The following FAAH2 variants were observed in gnomAD, a reference collection of about 807,000 sequenced individuals.
FAAH2 encodes fatty-acid amide hydrolase 2.
Under a neutral mutation model 36.9 loss-of-function variants are expected in FAAH2, and 60 were observed. The observed-to-expected ratio is 1.63, with a 90% CI of 1.32 to 2.02. FAAH2 has a LOEUF of 2.02. FAAH2 is among the 30% of genes most tolerant of loss of function. The pLI is 0.00. For synonymous variants in FAAH2, 214 were observed against 143.8 expected, an observed-to-expected ratio of 1.49 and a Z score of -3.49; for missense variants, 689 against 397.5, an observed-to-expected ratio of 1.73 and a Z score of -6.23.
At chrX:57,391,755 T>C (rs986640748) in intron 7 of FAAH2, among the ~76,000 whole-genome samples, 33 of 111,219 alleles carry the variant, frequency 3.0e-4, no homozygotes, top group African/African-American at 1.0e-3. Flanking sequence ...AGTCAGATAA[T>C]GTGGGGCCTC....
At chrX:57,419,067 A>G (rs1288993190) in intron 7 of FAAH2, among the ~76,000 whole-genome samples, 6 of 106,679 alleles carry the variant, frequency 5.6e-5, no homozygotes, top group African/African-American at 2.1e-4. Context: ...TTATGGCTGC[A>G]TAGTATTCCA....
chrX:57,307,200 G>A (rs1406594097), intron 2 of FAAH2, among the ~76,000 whole-genome samples: 2 of 104,534 alleles, frequency 1.9e-5, no homozygotes, highest in Non-Finnish European at 3.9e-5. Context: ...CTCTGTTTGG[G>A]GTTCTTCTTC....
intron 7 of FAAH2, among the ~76,000 whole-genome samples, chrX:57,405,411 A>T (rs1387612664): frequency 1.8e-5 from 2 of 110,976 alleles, no homozygotes; most frequent in Non-Finnish European, 3.8e-5. Context: ...GTTCAGCTTG[A>T]TAAGGACGAA....
At chrX:57,328,209 C>A (rs1260461516) in intron 3 of FAAH2, among the ~76,000 whole-genome samples, 1 of 111,346 alleles carries the variant, frequency 9.0e-6, no homozygotes, top group Non-Finnish European at 1.9e-5. Context: ...AGTTTTGTCT[C>A]AGAGGAGTAC....
intron 7 of FAAH2, among the ~76,000 whole-genome samples, chrX:57,430,488 T>C (rs1314135018): frequency 2.7e-5 from 3 of 111,732 alleles, no homozygotes; most frequent in East Asian, 2.8e-4. Flanking sequence ...AGCCTGGGAA[T>C]TGATTGAAGG....
At position 57,344,658 on chromosome X, in the gene FAAH2, T is replaced by C. The variant is rs969588554; in HGVS notation, c.742+3268T>C. Among the ~76,000 whole-genome samples, 4 of 111,266 alleles carry C rather than the reference T, an allele frequency of 3.6e-5. No individual in the cohort carries two copies. The Admixed American group carries it at 3.8e-4, about 11-fold the overall frequency. On this transcript the variant is annotated intron_variant, in intron 5 of 10. Transcript: ENST00000374900. Reference sequence around the variant, plus strand: ...GTGGTGAGACTGGACACCTTTGTCTTACTGCAGGTCTCAAGGGGAATTATT... The same window carrying C: ...GTGGTGAGACTGGACACCTTTGTCTCACTGCAGGTCTCAAGGGGAATTATT...
intron 10 of FAAH2, among the ~76,000 whole-genome samples, chrX:57,453,649 G>A (rs990531357): frequency 1.8e-5 from 2 of 109,931 alleles, no homozygotes; most frequent in African/African-American, 3.3e-5. Flanking sequence ...CTCATAGCCA[G>A]GAAATCCATG....
At chrX:57,143,083 TA>T in the FAAH2 span, among the ~76,000 whole-genome samples, 3 of 111,576 alleles carry the variant, frequency 2.7e-5, no homozygotes, top group Non-Finnish European at 5.7e-5. Flanking sequence ...GTCTTTTGAT[TA>T]GATCATTTAT....
chrX:57,143,046 A>AT, the FAAH2 span, among the ~76,000 whole-genome samples: 1 of 111,190 alleles, frequency 9.0e-6, no homozygotes, highest in Non-Finnish European at 1.9e-5. Context: ...TTTGGGTCTT[A>AT]TTTTTTGATT....
intron 5 of FAAH2, among the ~76,000 whole-genome samples, chrX:57,341,781 A>C: frequency 9.0e-6 from 1 of 111,533 alleles, no homozygotes; most frequent in Non-Finnish European, 1.9e-5. Context: ...CACTGTACTA[A>C]AATGACTTAT....
chrX:57,477,419 A>C (rs1246025192), intron 10 of FAAH2, among the ~76,000 whole-genome samples: 2 of 110,835 alleles, frequency 1.8e-5, no homozygotes, highest in African/African-American at 6.5e-5. Context: ...CTATAAACTA[A>C]AACATTTACT....
the FAAH2 span, among the ~76,000 whole-genome samples, chrX:57,166,458 C>A: frequency 1.8e-5 from 2 of 111,959 alleles, no homozygotes; most frequent in African/African-American, 6.5e-5. Flanking sequence ...CCATGACCTG[C>A]CCATAGGCAT....
rs965591228 is a variant in FAAH2, at chrX:57,447,048, A to G, written c.1228+9A>G. 1.9e-5 allele frequency: 21 copies of G among 1,132,737 alleles called. No homozygotes were observed. The highest frequency in any genetic ancestry group is 2.5e-5 in the Non-Finnish European group (21 of 833,474). The allele number at this position is 1,132,737 out of a possible 1,213,427, so 93.4% of individuals were successfully genotyped here. A position where few individuals can be genotyped will look rare whatever the true frequency, so the allele number is the denominator to read the frequency against. On this transcript the variant is annotated intron_variant, in intron 9 of 10. Transcript: ENST00000374900. ...CACCATCCCTTCCATTGGTATGTAA[A>G]TCATATTCTACCTAGACCAGTTTGA...
the FAAH2 span, among the ~76,000 whole-genome samples, chrX:57,139,297 A>G: frequency 1.8e-5 from 2 of 112,282 alleles, no homozygotes; most frequent in South Asian, 7.3e-4. Flanking sequence ...TCCCAACAAC[A>G]TTTATTACAG....
chrX:57,349,103 A>AAT lies in FAAH2; in HGVS notation c.742+7714_742+7715dup, dbSNP rs1491133032. On this transcript the variant is annotated intron_variant, in intron 5 of 10. Coordinates refer to ENST00000374900, the MANE Select transcript of FAAH2 (RefSeq NM_174912.4). ...ATACACATATATATATTATATATAT[A>AAT]ATGTATATGTGTATAATATATACAC... Among the ~76,000 whole-genome samples, 18 of 97,187 alleles carry AAT rather than the reference A, an allele frequency of 1.9e-4. No individual in the cohort carries two copies. The South Asian group carries it at 5.2e-3, about 28-fold the overall frequency. 84.4% of individuals were successfully genotyped at this position (97,187 alleles called of 115,157 possible).
chrX:57,417,605 T>G (rs1209534861), intron 7 of FAAH2, among the ~76,000 whole-genome samples: 1 of 111,884 alleles, frequency 8.9e-6, no homozygotes, highest in Admixed American at 9.5e-5. Flanking sequence ...CCTGGAAGCT[T>G]TCTCTCAGCG....
Position 57,376,235 on chromosome X carries a change from C to T in FAAH2, c.743-2416C>T, listed in dbSNP as rs147015936. On this transcript the variant is annotated intron_variant, in intron 5 of 10. Transcript: ENST00000374900. ...TTGATAAGTCTTGTTACGTGTTCAT[C>T]GATATTATTAATCTTCTCCACAAAT... 8.7e-4 allele frequency among the ~76,000 whole-genome samples: 96 copies of T among 110,597 alleles called. 1 individual carries two copies. The East Asian group carries it at 0.025, about 29-fold the overall frequency.
the FAAH2 span, among the ~76,000 whole-genome samples, chrX:57,238,639 A>G: frequency 8.9e-6 from 1 of 112,052 alleles, no homozygotes; most frequent in Non-Finnish European, 1.9e-5. Flanking sequence ...ATGAAAGTTA[A>G]AAAAACTTCC....
chrX:57,260,226 T>C, the FAAH2 span, among the ~76,000 whole-genome samples: 1 of 111,730 alleles, frequency 9.0e-6, no homozygotes, highest in South Asian at 3.7e-4. Context: ...ATCCTTGTAA[T>C]GAAAGACATT....
Sources: gnomAD v4.1 joint callset for allele counts (sites outside exome capture counted in the v4.1 genomes callset) on GRCh38, gnomAD v4.1.1 for gene constraint, MANE v1.5 for transcripts, NCBI Gene and HGNC (gene_info 2026-07-23, HGNC 2026-07-21) for gene names.